Variants in CELF2 observed in about 807,000 individuals in gnomAD.
CELF2 encodes CUG triplet repeat RNA-binding protein 2.
CELF2 carries 8 observed loss-of-function variants against 62.6 expected under a neutral mutation model. The observed-to-expected ratio is 0.13, with a 90% CI of 0.07 to 0.23. The LOEUF (loss-of-function observed/expected upper bound fraction) is 0.23. CELF2 is among the 10% of genes least tolerant of loss of function. CELF2 has a pLI of 1.00. For synonymous variants in CELF2, 258 were observed against 250.0 expected (o/e 1.03, Z -0.30); for missense variants, 333 against 671.0 (o/e 0.50, Z 5.56).
chr10:10,613,041 A>G, the CELF2 span, among the ~76,000 whole-genome samples: 1 of 152,232 alleles, frequency 6.6e-6, no homozygotes, highest in East Asian at 1.9e-4. Flanking sequence ...CAAGCAGCCT[A>G]AAGAAACGCT....
chr10:11,172,704 A>G (rs1250529780), intron 2 of CELF2, among the ~76,000 whole-genome samples: 3 of 152,212 alleles, frequency 2.0e-5, no homozygotes, highest in African/African-American at 7.2e-5. Context: ...AAGGGGAAGG[A>G]GGGAGACAAA....
In CELF2 at chr10:11,329,651, A is replaced by C. The variant is rs1771709386; in HGVS notation, c.*598A>C. 6.6e-6 allele frequency: 1 copy of C among 152,664 alleles called. No individual in the cohort carries two copies. The highest frequency in any genetic ancestry group is 1.5e-5 in the Non-Finnish European group (1 of 68,050). 9.5% of individuals were successfully genotyped at this position (152,664 alleles called of 1,614,324 possible). ...AGTAGGATTTTATTTTAGGGTTCAA[A>C]GAAACATGACATTTATTGGTCAAAA... is the stretch of plus-strand genomic sequence containing the variant. On this transcript the variant is annotated 3_prime_UTR_variant, in exon 13 of 13. Transcript: ENST00000633077. The surrounding 1 kb of genome is among the most constrained non-coding windows in gnomAD (Gnocchi z 5.5).
At chr10:10,667,657 C>T in the CELF2 span, among the ~76,000 whole-genome samples, 1 of 152,180 alleles carries the variant, frequency 6.6e-6, no homozygotes, top group South Asian at 2.1e-4. Flanking sequence ...CGTGTGTGGG[C>T]TTATGCAAAT....
At position 11,191,484 on chromosome 10, in the gene CELF2, G is replaced by A. The variant is rs1191139703; in HGVS notation, c.271+25802G>A. ...GACCTCTGGACCAGGACGTGCTGTG[G>A]GGCGTCAGCTACCAACCTTGTGGTC... On this transcript the variant is annotated intron_variant, in intron 2 of 12. Coordinates refer to ENST00000633077, the MANE Select transcript of CELF2 (RefSeq NM_001326342.2). This position sits in a 1 kb window ranked among gnomAD's most constrained non-coding sequence, Gnocchi z 4.1. Among the ~76,000 whole-genome samples the A allele has an allele frequency of 6.6e-6, 1 of 152,180 alleles. No individual in the cohort carries two copies. The highest frequency in any genetic ancestry group is 2.4e-5 in the African/African-American group (1 of 41,430).
chr10:10,544,651 A>T, the CELF2 span, among the ~76,000 whole-genome samples: 1 of 152,258 alleles, frequency 6.6e-6, no homozygotes, highest in Non-Finnish European at 1.5e-5. Context: ...TAAGAAACGA[A>T]TAAGCCTAAA....
rs1328349107 is a variant in CELF2, at chr10:10,983,479, A to G, written c.89+63480A>G. Reference sequence around the variant, plus strand: ...GGTTCTAGTTCTTGTACTGGACTCAATTCAGTCTGTAATTTTTACTGAGTC... The same window carrying G: ...GGTTCTAGTTCTTGTACTGGACTCAGTTCAGTCTGTAATTTTTACTGAGTC... On this transcript the variant is annotated intron_variant, in intron 2 of 13. Transcript: ENST00000636488. This position sits in a 1 kb window ranked among gnomAD's most constrained non-coding sequence, Gnocchi z 5.2. Among the ~76,000 whole-genome samples, 1 of 152,220 alleles carries G rather than the reference A, an allele frequency of 6.6e-6. No individual in the cohort carries two copies. Among genetic ancestry groups the G allele is most frequent in the African/African-American group, 2.4e-5 (1 of 41,450 alleles).
At chr10:10,572,342 T>C in the CELF2 span, among the ~76,000 whole-genome samples, 206 of 99,614 alleles carry the variant, frequency 2.1e-3, no homozygotes, top group African/African-American at 6.3e-3. Flanking sequence ...TTTTCTTTTT[T>C]TTTTAATTTT....
intron 2 of CELF2, among the ~76,000 whole-genome samples, chr10:11,176,939 T>G (rs971365361): frequency 6.6e-5 from 10 of 152,168 alleles, no homozygotes; most frequent in Non-Finnish European, 1.5e-4. Context: ...GCTTGCTCAC[T>G]TTAATGCAGA....
At chr10:10,808,062 C>T (rs764767026) in intron 1 of CELF2, among the ~76,000 whole-genome samples, 15 of 152,104 alleles carry the variant, frequency 9.9e-5, no homozygotes, top group Non-Finnish European at 1.9e-4. Flanking sequence ...TGACAAAATA[C>T]TGAAGATGGC....
At chr10:10,556,352 G>T in the CELF2 span, among the ~76,000 whole-genome samples, 1 of 152,004 alleles carries the variant, frequency 6.6e-6, no homozygotes. Context: ...TCCCTACAAA[G>T]GACATGAACT....
chr10:10,771,106 C>T, the CELF2 span, among the ~76,000 whole-genome samples: 1 of 152,160 alleles, frequency 6.6e-6, no homozygotes, highest in Admixed American at 6.5e-5. Flanking sequence ...TTGATGTTAG[C>T]AATTACTGCT....
At position 11,269,085 on chromosome 10, in the gene CELF2, TGGAACAATGA is replaced by T. The variant is rs2082981224; in HGVS notation, c.619-1580_619-1571del. On this transcript the variant is annotated intron_variant, in intron 6 of 12. Transcript: ENST00000633077. This position sits in a 1 kb window ranked among gnomAD's most constrained non-coding sequence, Gnocchi z 4.4. ...ATAATTTGTTATGGAACAAATTTGA[TGGAACAATGA>T]CAACCCTTTTCCATGCAAAACCCCC... is the stretch of plus-strand genomic sequence containing the variant. Among the ~76,000 whole-genome samples the T allele has an allele frequency of 6.6e-6, 1 of 152,238 alleles. No homozygotes were observed. Among genetic ancestry groups the T allele is most frequent in the Non-Finnish European group, 1.5e-5 (1 of 68,034 alleles).
chr10:11,006,866 CTT>C (rs1435576980), intron 1 of CELF2, among the ~76,000 whole-genome samples: 1 of 152,188 alleles, frequency 6.6e-6, no homozygotes, highest in East Asian at 1.9e-4. Flanking sequence ...CTTCAAATAT[CTT>C]TCATTTTACA....
intron 2 of CELF2, among the ~76,000 whole-genome samples, chr10:10,943,357 T>G (rs2047260239): frequency 6.6e-6 from 1 of 152,094 alleles, no homozygotes. Flanking sequence ...AGGAAGAGTA[T>G]TAGTTGACCT....
intron 2 of CELF2, among the ~76,000 whole-genome samples, chr10:11,208,524 C>G (rs553567545): frequency 2.0e-5 from 3 of 152,232 alleles, no homozygotes; most frequent in South Asian, 2.1e-4. Flanking sequence ...CAAGGCCTGC[C>G]TGTCCGCATT....
chr10:11,248,306 G>C (rs1180471425), intron 3 of CELF2, among the ~76,000 whole-genome samples: 2 of 152,132 alleles, frequency 1.3e-5, no homozygotes, highest in African/African-American at 4.8e-5. Flanking sequence ...GGGCACTTTA[G>C]GAAGAGCCAT....
upstream of CELF2, among the ~76,000 whole-genome samples, chr10:10,797,573 G>A (rs1256263116): frequency 6.6e-6 from 1 of 152,150 alleles, no homozygotes; most frequent in Non-Finnish European, 1.5e-5. Flanking sequence ...AAGAAAAAGA[G>A]GAATTTAATA....
the CELF2 span, among the ~76,000 whole-genome samples, chr10:10,575,379 G>A: frequency 2.6e-5 from 4 of 152,116 alleles, no homozygotes; most frequent in Non-Finnish European, 4.4e-5. Context: ...GTCAATTGAC[G>A]TTTTATATAA....
At chr10:10,695,907 T>C in the CELF2 span, among the ~76,000 whole-genome samples, 4 of 150,806 alleles carry the variant, frequency 2.7e-5, no homozygotes, top group Admixed American at 2.0e-4. Context: ...TATACATTCT[T>C]CTAAATTTTT....
Sources: allele counts gnomAD v4.1 joint callset (sites outside exome capture counted in the v4.1 genomes callset), GRCh38; gene constraint gnomAD v4.1.1; non-coding constraint Gnocchi (gnomAD v3.1); transcripts MANE v1.5; gene names NCBI Gene and HGNC (gene_info 2026-07-23, HGNC 2026-07-21).